CYP4F11: variants seen among roughly 807,000 people sequenced by gnomAD.
CYP4F11 encodes cytochrome P450 4F11.
CYP4F11 carries 79 observed loss-of-function variants against 62.2 expected under a neutral mutation model. The ratio of observed to expected loss-of-function variants is 1.27; its 90% CI spans 1.06 to 1.53. CYP4F11 has a LOEUF of 1.53. Ranked by LOEUF, CYP4F11 falls within the 40% of genes most tolerant of loss-of-function variation. CYP4F11 has a pLI of 0.00. For missense variants in CYP4F11, 777 were observed against 680.5 expected (o/e 1.14, Z -1.58); for synonymous variants, 290 against 263.7 (o/e 1.10, Z -0.97).
intron 5 of CYP4F11, 44 bp downstream of exon 5, chr19:15,924,717 T>G (rs769189744): frequency 1.3e-6 from 2 of 1,592,820 alleles, no homozygotes; most frequent in South Asian, 2.2e-5. Flanking sequence ...GCCTACTCCC[T>G]TGGGTTCCAG....
chr19:15,914,819 T>A lies in CYP4F11; in HGVS notation c.1192A>T (p.Ile398Phe), dbSNP rs2089570393. The change falls in exon 9 of 12, where the codon ATC (isoleucine) becomes TTC (phenylalanine). Residue 398 changes from isoleucine (I) to phenylalanine (F), a missense_variant. Coordinates refer to ENST00000402119, the MANE Select transcript of CYP4F11 (RefSeq NM_021187.4). ...AAGTCCTGCGTGCAACATCGGGAGA[T>A]GACCGGGACTGGGGGATGCAACCGC... The part of the protein sequence containing the change: ...SLRLHPPVPV[I>F]SRCCTQDFVL... The A allele has an allele frequency of 6.2e-7, 1 of 1,613,990 alleles. No homozygotes were observed. The highest frequency in any genetic ancestry group is 1.3e-5 in the African/African-American group (1 of 74,888).
At chr19:15,917,891 A>G (rs1325620598) in intron 8 of CYP4F11, among the ~76,000 whole-genome samples, 2 of 152,180 alleles carry the variant, frequency 1.3e-5, no homozygotes, top group Non-Finnish European at 2.9e-5. Context: ...GTCCTCAAAG[A>G]TCTAGGGGCA....
chr19:15,924,392 C>G (rs1409136333), intron 5 of CYP4F11, among the ~76,000 whole-genome samples: 2 of 152,156 alleles, frequency 1.3e-5, no homozygotes, highest in Non-Finnish European at 2.9e-5. Context: ...TCTGACCCAG[C>G]CCCCACCATA....
At chr19:15,913,933 T>C (rs1261266486) in intron 11 of CYP4F11, 24 bp from the exon 12 acceptor site, 1 of 1,595,744 alleles carries the variant, frequency 6.3e-7, no homozygotes, top group Non-Finnish European at 8.5e-7. Context: ...TGAGGGAATC[T>C]GACTGTGCCC....
chr19:15,927,152 T>C (rs1198530288), intron 4 of CYP4F11, 60 bp downstream of exon 4: 1 of 1,579,512 alleles, frequency 6.3e-7, no homozygotes, highest in Non-Finnish European at 8.6e-7. Context: ...CCAGAGCAGA[T>C]ATGCCTGTGG....
chr19:15,921,313 C>G (rs1210517234), intron 8 of CYP4F11, among the ~76,000 whole-genome samples: 4 of 152,160 alleles, frequency 2.6e-5, no homozygotes, highest in African/African-American at 9.7e-5. Flanking sequence ...CTCAAGTGAT[C>G]CTCCCACCTC....
chr19:15,913,988 A>G, intron 11 of CYP4F11, 79 bp from the exon 12 acceptor site: 2 of 1,506,410 alleles, frequency 1.3e-6, no homozygotes, highest in Non-Finnish European at 1.8e-6. Context: ...CTGGCCTGGG[A>G]CCCCAAACGC....
intron 1 of CYP4F11, 142 bp from the exon 2 acceptor site, chr19:15,929,743 G>C: frequency 1.0e-6 from 1 of 987,242 alleles, no homozygotes. Context: ...GTGTCCATCG[G>C]TGTATTTCCA....
chr19:15,934,021 TGGGCAGAGGAATGAGTGAGC>T (rs1568258998), intron 1 of CYP4F11, among the ~76,000 whole-genome samples, 170 bp downstream of exon 1: 1,313 of 27,900 alleles, frequency 0.047, 88 homozygotes, highest in Non-Finnish European at 0.063. Flanking sequence ...AATGAGTGAG[TGGGCAGAGGAATGAGTGAGC>T]GGGGAGAGGA....
At position 15,934,284 on chromosome 19, in the gene CYP4F11, T is replaced by G; in HGVS notation, c.125A>C (p.Tyr42Ser). ...ARVLAWTYTF[Y>S]DNCRRLQCFP... Reference sequence around the variant, plus strand: ...ACACTGGAGGCGGCGGCAGTTGTCATAGAAGGTGTAGGTCCAGGCCAGGAC... The same window carrying G: ...ACACTGGAGGCGGCGGCAGTTGTCAGAGAAGGTGTAGGTCCAGGCCAGGAC... Residue 42 changes from tyrosine (Y) to serine (S), a missense_variant, in exon 1 of 12, where the codon TAT becomes TCT. Physicochemically the swap from Tyr to Ser is moderately radical, Grantham distance 144. Coordinates refer to ENST00000402119, the MANE Select transcript of CYP4F11 (RefSeq NM_021187.4). 3 of 1,613,662 alleles carry G rather than the reference T, an allele frequency of 1.9e-6. No homozygotes were observed. Among genetic ancestry groups the G allele is most frequent in the East Asian group, 2.2e-5 (1 of 44,868 alleles).
In CYP4F11 at chr19:15,912,805, T is replaced by TATATATAC. The variant is rs1183276800; in HGVS notation, c.*926_*927insGTATATAT. 8.7e-4 allele frequency: 88 copies of TATATATAC among 101,206 alleles called. 2 individuals carry two copies. The highest frequency in any genetic ancestry group is 2.3e-3 in the African/African-American group (53 of 23,390). 6.3% of individuals were successfully genotyped at this position (101,206 alleles called of 1,614,324 possible). A position where few individuals can be genotyped will look rare whatever the true frequency, so the allele number is the denominator to read the frequency against. On this transcript the variant is annotated 3_prime_UTR_variant, in exon 12 of 12. Transcript: ENST00000402119. ...TATATATATAATATATATATATATA[T>TATATATAC]ACATATCTTATATGCACAGCCCTCT...
chr19:15,917,675 G>T lies in CYP4F11; in HGVS notation c.1116-2780C>A, dbSNP rs182090327. ...AAAAGTGTCCCCAAGAAGTCAAAAG[G>T]CAACAAAAGACAGAAAAAAAGATTT... On this transcript the variant is annotated intron_variant, in intron 8 of 11. Transcript: ENST00000402119. 3.7e-3 allele frequency among the ~76,000 whole-genome samples: 563 copies of T among 151,946 alleles called. 6 individuals are homozygous for T. Among genetic ancestry groups the T allele is most frequent in the African/African-American group, 0.013 (525 of 41,436 alleles).
At chr19:15,929,917 G>C (rs1568256398) in intron 1 of CYP4F11, among the ~76,000 whole-genome samples, 1 of 152,120 alleles carries the variant, frequency 6.6e-6, no homozygotes, top group Non-Finnish European at 1.5e-5. Context: ...GAGAACTCCA[G>C]GTTCTCAGGC....
chr19:15,913,795 C>A lies in CYP4F11; in HGVS notation c.1512G>T (p.Leu504=). The A allele has an allele frequency of 1.2e-6, 2 of 1,614,214 alleles. No homozygotes were observed. The highest frequency in any genetic ancestry group is 1.7e-6 in the Non-Finnish European group (2 of 1,180,032). Residue 504 remains leucine (L), a synonymous_variant, in exon 12 of 12, where the codon CTG becomes CTT. Transcript: ENST00000402119. ...THTEPRRKPE[L]ILRAEGGLWL... Reference sequence around the variant, plus strand: ...AAAGTCCACCCTCTGCGCGCAATATCAGCTCGGGTTTCCTGCGGGGTTCAG... The same window carrying A: ...AAAGTCCACCCTCTGCGCGCAATATAAGCTCGGGTTTCCTGCGGGGTTCAG...
At chr19:15,917,780 A>G (rs2089594071) in intron 8 of CYP4F11, among the ~76,000 whole-genome samples, 1 of 152,188 alleles carries the variant, frequency 6.6e-6, no homozygotes, top group Admixed American at 6.5e-5. Flanking sequence ...CTCTTCCACA[A>G]AAAGAAAAAA....
chr19:15,930,993 A>G (rs550883536), intron 1 of CYP4F11, among the ~76,000 whole-genome samples: 1 of 152,190 alleles, frequency 6.6e-6, no homozygotes, highest in Non-Finnish European at 1.5e-5. Context: ...TGCCATTTAC[A>G]AGTGAGCAGA....
At position 15,913,502 on chromosome 19, in the gene CYP4F11, CTTGGG is replaced by C. The variant is rs1295631612; in HGVS notation, c.*225_*229del. The C allele has an allele frequency of 1.8e-6, 1 of 566,252 alleles. No homozygotes were observed. Among genetic ancestry groups the C allele is most frequent in the African/African-American group, 1.9e-5 (1 of 52,962 alleles). The allele number at this position is 566,252 out of a possible 1,614,324, so 35.1% of individuals were successfully genotyped here. ...TACTGCCCACAGGATAAAGTTTTTA[CTTGGG>C]CTCTGGGAGAACCCACTAAGGGCCT... is the stretch of plus-strand genomic sequence containing the variant. On this transcript the variant is annotated 3_prime_UTR_variant, in exon 12 of 12. Coordinates refer to ENST00000402119, the MANE Select transcript of CYP4F11 (RefSeq NM_021187.4).
In CYP4F11 at chr19:15,913,592, G is replaced by T; in HGVS notation, c.*140C>A. On this transcript the variant is annotated 3_prime_UTR_variant, in exon 12 of 12. Transcript: ENST00000402119. The stretch of plus-strand genomic sequence containing the variant: ...GTTTTGGGTTCAGAGACGTCACCCT[G>T]CCTCCACCCACTCACCTCCCTTTCT... 2 of 1,107,228 alleles carry T rather than the reference G, an allele frequency of 1.8e-6. No homozygotes were observed. The highest frequency in any genetic ancestry group is 1.5e-5 in the African/African-American group (1 of 64,798). The allele number at this position is 1,107,228 out of a possible 1,614,324, so 68.6% of individuals were successfully genotyped here.
intron 8 of CYP4F11, among the ~76,000 whole-genome samples, chr19:15,916,508 A>G (rs1347300485): frequency 6.6e-6 from 1 of 152,216 alleles, no homozygotes; most frequent in African/African-American, 2.4e-5. Flanking sequence ...GTGGAAGAAA[A>G]TATTTGCAAA....
Sources: gnomAD v4.1 joint callset for allele counts (sites outside exome capture counted in the v4.1 genomes callset) on GRCh38, gnomAD v4.1.1 for gene constraint, MANE v1.5 for transcripts, NCBI Gene and HGNC (gene_info 2026-07-23, HGNC 2026-07-21) for gene names.